The following GATAD2B variants were observed in gnomAD, a reference collection of about 807,000 sequenced individuals.
GATAD2B encodes the protein transcriptional repressor p66-beta.
Under a neutral mutation model 64.3 loss-of-function variants are expected in GATAD2B, and 8 were observed. The observed-to-expected ratio is 0.12, with a 90% confidence interval of 0.07 to 0.22. The LOEUF (loss-of-function observed/expected upper bound fraction) is 0.22. Among genes scored for constraint, GATAD2B ranks in the 10% least tolerant of loss-of-function variants. The pLI is 1.00. For missense variants in GATAD2B, 453 were observed against 752.0 expected (o/e 0.60, Z 4.65); for synonymous variants, 281 against 271.3 (o/e 1.04, Z -0.35).
At chr1:153,852,733 GACAGGGAGTGAAGCTTGGTA>G in intron 1 of GATAD2B, 1 of 913,528 alleles carries the variant, frequency 1.1e-6, no homozygotes, top group Non-Finnish European at 1.8e-6. Flanking sequence ...AAGCTTGGTA[GACAGGGAGTGAAGCTTGGTA>G]GACAGGGATC....
At chr1:153,874,828 TG>T in intron 1 of GATAD2B, among the ~76,000 whole-genome samples, 1 of 152,040 alleles carries the variant, frequency 6.6e-6, no homozygotes, top group East Asian at 1.9e-4. Flanking sequence ...CCACTCGCCT[TG>T]GCCCCCCAAA....
At chr1:153,837,763 A>G (rs1391547820) in intron 1 of GATAD2B, among the ~76,000 whole-genome samples, 1 of 152,204 alleles carries the variant, frequency 6.6e-6, no homozygotes, top group Non-Finnish European at 1.5e-5. Flanking sequence ...CCCCTATTAT[A>G]AAACTGTAAA....
Position 153,921,600 on chromosome 1 carries a change from ACACACACG to A in GATAD2B, c.-2+1125_-2+1132del, listed in dbSNP as rs567410624. Among the ~76,000 whole-genome samples, 280 of 152,110 alleles carry A rather than the reference ACACACACG, an allele frequency of 1.8e-3. 2 individuals are homozygous for A. Among genetic ancestry groups the A allele is most frequent in the African/African-American group, 6.5e-3 (269 of 41,466 alleles). On this transcript the variant is annotated intron_variant, in intron 1 of 10. Coordinates refer to ENST00000368655, the MANE Select transcript of GATAD2B (RefSeq NM_020699.4). ...CCATCTCTCTCTCTCTCTTACACAC[ACACACACG>A]CACACACACACGCCCCCCAAATAAG...
At chr1:153,866,022 T>C (rs951846869) in intron 1 of GATAD2B, among the ~76,000 whole-genome samples, 2 of 152,170 alleles carry the variant, frequency 1.3e-5, no homozygotes, top group South Asian at 2.1e-4. Context: ...CTGGCCAACA[T>C]GGTCAAACCC....
At chr1:153,852,700 T>C in intron 1 of GATAD2B, 1 of 928,208 alleles carries the variant, frequency 1.1e-6, no homozygotes, top group Non-Finnish European at 1.8e-6. Context: ...TTAACCCTGC[T>C]GAGAGCCTGC....
At position 153,818,496 on chromosome 1, in the gene GATAD2B, A is replaced by C. The variant is rs1674565013; in HGVS notation, c.597+295T>G. ...TGACCGGCTAATTTTTTGTATTTTT[A>C]GTAGAGATGGGGTTTCACCATGTTA... On this transcript the variant is annotated intron_variant, in intron 4 of 10. Coordinates refer to ENST00000368655, the MANE Select transcript of GATAD2B (RefSeq NM_020699.4). Among the ~76,000 whole-genome samples the C allele has an allele frequency of 2.0e-5, 3 of 151,702 alleles. No homozygotes were observed. In the South Asian group the frequency reaches 6.3e-4, roughly 32 times the overall value.
intron 1 of GATAD2B, among the ~76,000 whole-genome samples, chr1:153,847,176 A>G (rs996060601): frequency 6.6e-6 from 1 of 152,038 alleles, no homozygotes; most frequent in African/African-American, 2.4e-5. Context: ...CATGTTGGCC[A>G]GGCTGGTCTT....
intron 1 of GATAD2B, among the ~76,000 whole-genome samples, chr1:153,919,282 G>A (rs1325330050): frequency 1.3e-5 from 2 of 152,182 alleles, no homozygotes; most frequent in Non-Finnish European, 2.9e-5. Context: ...GGGGGATTTT[G>A]TGAGAGACAG....
chr1:153,814,519 T>C (rs1674390254), intron 7 of GATAD2B, among the ~76,000 whole-genome samples: 1 of 152,196 alleles, frequency 6.6e-6, no homozygotes, highest in Non-Finnish European at 1.5e-5. Flanking sequence ...ACACCTGTGA[T>C]CCCAACACTT....
chr1:153,838,843 C>T (rs1481136340), intron 1 of GATAD2B, among the ~76,000 whole-genome samples: 4 of 152,110 alleles, frequency 2.6e-5, no homozygotes, highest in Non-Finnish European at 4.4e-5. Context: ...GACACAGTGG[C>T]TCACGCCTGT....
intron 10 of GATAD2B, among the ~76,000 whole-genome samples, chr1:153,811,229 A>G (rs1286305377): frequency 2.0e-5 from 3 of 152,180 alleles, no homozygotes; most frequent in East Asian, 3.8e-4. Context: ...CCCCACTCAT[A>G]TTCCTAAGCT....
intron 1 of GATAD2B, among the ~76,000 whole-genome samples, chr1:153,847,304 T>C (rs926923769): frequency 2.0e-5 from 3 of 152,200 alleles, no homozygotes; most frequent in African/African-American, 4.8e-5. Context: ...TTTTGCAACA[T>C]TGTACTTAAT....
intron 1 of GATAD2B, chr1:153,852,975 C>T: frequency 1.0e-6 from 1 of 965,462 alleles, no homozygotes; most frequent in African/African-American, 1.6e-5. Context: ...CTTGGGTCTT[C>T]TCCACAGTGC....
chr1:153,842,227 G>A (rs1027978763), intron 1 of GATAD2B, among the ~76,000 whole-genome samples: 1 of 152,176 alleles, frequency 6.6e-6, no homozygotes, highest in Non-Finnish European at 1.5e-5. Flanking sequence ...AATGGCTAAT[G>A]ATGTTCTTTT....
intron 1 of GATAD2B, among the ~76,000 whole-genome samples, chr1:153,876,472 C>T (rs966441505): frequency 6.6e-6 from 1 of 152,102 alleles, no homozygotes; most frequent in Admixed American, 6.6e-5. Flanking sequence ...ACTACACAAA[C>T]CTTTGGCTCA....
chr1:153,884,893 A>G (rs1677131755), intron 1 of GATAD2B, among the ~76,000 whole-genome samples: 1 of 151,870 alleles, frequency 6.6e-6, no homozygotes, highest in African/African-American at 2.4e-5. Flanking sequence ...AGCAGCTGGG[A>G]TTACACGGGC....
intron 2 of GATAD2B, among the ~76,000 whole-genome samples, chr1:153,820,608 C>A (rs1005165524): frequency 1.5e-4 from 23 of 152,002 alleles, no homozygotes; most frequent in Admixed American, 1.3e-4. Context: ...GTATATAGGT[C>A]GAGGGCAATT....
chr1:153,903,197 G>A (rs955456610), intron 1 of GATAD2B, among the ~76,000 whole-genome samples: 7 of 151,068 alleles, frequency 4.6e-5, no homozygotes, highest in Non-Finnish European at 7.4e-5. Flanking sequence ...CAGCCTGGGC[G>A]ACAGAGCGAG....
At chr1:153,852,504 CA>C in intron 1 of GATAD2B, 1 of 764,510 alleles carries the variant, frequency 1.3e-6, no homozygotes, top group South Asian at 1.3e-5. Flanking sequence ...GTGCTCTGCA[CA>C]GTGGGACTCA....
Sources: gnomAD v4.1 joint callset for allele counts (sites outside exome capture counted in the v4.1 genomes callset) on GRCh38, gnomAD v4.1.1 for gene constraint, MANE v1.5 for transcripts, NCBI Gene and HGNC (gene_info 2026-07-23, HGNC 2026-07-21) for gene names.